Variants in DLG2 observed in about 807,000 individuals in gnomAD.
The protein encoded by DLG2 is discs large MAGUK scaffold protein 2.
DLG2 carries 45 observed loss-of-function variants against 132.5 expected under a neutral mutation model. That is an observed-to-expected ratio of 0.34 (90% CI 0.27 to 0.44). The LOEUF is 0.44. Among genes scored for constraint, DLG2 ranks in the 20% least tolerant of loss-of-function variants. DLG2 has a pLI of 1.00. For synonymous variants in DLG2, 424 were observed against 419.6 expected (o/e 1.01, Z -0.13); for missense variants, 1,045 against 1,196.9 (o/e 0.87, Z 1.87).
intron 7 of DLG2, among the ~76,000 whole-genome samples, chr11:84,345,775 C>A (rs2098536908): frequency 6.6e-6 from 1 of 152,114 alleles, no homozygotes; most frequent in Non-Finnish European, 1.5e-5. Context: ...CTTCTCACTT[C>A]CTGTTTTTGC....
At chr11:84,850,725 A>C (rs2154021753) in intron 6 of DLG2, among the ~76,000 whole-genome samples, 1 of 152,276 alleles carries the variant, frequency 6.6e-6, no homozygotes. Context: ...ACATACAAAA[A>C]TCAGTTATAT....
intron 16 of DLG2, among the ~76,000 whole-genome samples, chr11:83,859,832 C>G (rs556245289): frequency 1.3e-5 from 2 of 152,076 alleles, no homozygotes; most frequent in African/African-American, 4.8e-5. Flanking sequence ...ATGGTTTTGT[C>G]GGCCAGGCCC....
Position 84,484,143 on chromosome 11 carries a change from C to T in DLG2, c.519+50427G>A, listed in dbSNP as rs117614624. Among the ~76,000 whole-genome samples, 3 of 152,222 alleles carry T rather than the reference C, an allele frequency of 2.0e-5. No homozygotes were observed. The East Asian group carries it at 5.8e-4, about 29-fold the overall frequency. On this transcript the variant is annotated intron_variant, in intron 7 of 27. Transcript: ENST00000376104. ...GGTACAAGAGATGGTTGCACCTCAC[C>T]TCCTTAAACTTAGGTATAGCAATTT...
chr11:85,207,903 A>C (rs1413103717), intron 4 of DLG2, among the ~76,000 whole-genome samples: 1 of 151,626 alleles, frequency 6.6e-6, no homozygotes, highest in East Asian at 2.0e-4. Context: ...ACATCTGGTA[A>C]ACTGCTTTTT....
Position 83,601,803 on chromosome 11 carries a change from G to A in DLG2, c.1940+31408C>T, listed in dbSNP as rs184959226. Among the ~76,000 whole-genome samples, 15 of 152,114 alleles carry A rather than the reference G, an allele frequency of 9.9e-5. No individual in the cohort carries two copies. In the South Asian group the frequency reaches 2.1e-3, roughly 21 times the overall value. On this transcript the variant is annotated intron_variant, in intron 19 of 27. Coordinates refer to ENST00000376104, the MANE Select transcript of DLG2 (RefSeq NM_001142699.3). Reference sequence around the variant, plus strand: ...CTCCCAAAGTGCTGGGGTTACAGGCGTGAGGCACAGGGCTCAGCCGTCAAT... The same window carrying A: ...CTCCCAAAGTGCTGGGGTTACAGGCATGAGGCACAGGGCTCAGCCGTCAAT...
intron 6 of DLG2, among the ~76,000 whole-genome samples, chr11:84,578,351 C>T (rs2099508336): frequency 6.6e-6 from 1 of 152,086 alleles, no homozygotes; most frequent in African/African-American, 2.4e-5. Flanking sequence ...GAAAAAGCCT[C>T]AGACACTCAA....
intron 19 of DLG2, among the ~76,000 whole-genome samples, chr11:83,578,696 A>G (rs2096921722): frequency 6.6e-6 from 1 of 152,238 alleles, no homozygotes; most frequent in Non-Finnish European, 1.5e-5. Context: ...TCCAGAGGAT[A>G]TAAAAAGCCT....
At chr11:84,540,742 G>A (rs145415549) in intron 6 of DLG2, among the ~76,000 whole-genome samples, 2,015 of 152,198 alleles carry the variant, frequency 0.013, 53 homozygotes, top group African/African-American at 0.047. Flanking sequence ...ACATGCACAC[G>A]TATGTTTATT....
intron 6 of DLG2, among the ~76,000 whole-genome samples, chr11:84,862,430 G>C (rs1600127769): frequency 6.6e-6 from 1 of 152,028 alleles, no homozygotes; most frequent in Admixed American, 6.6e-5. Context: ...CAAGGATCTA[G>C]AACCAGAAAT....
chr11:84,668,989 G>A (rs1324794484), intron 6 of DLG2, among the ~76,000 whole-genome samples: 1 of 152,002 alleles, frequency 6.6e-6, no homozygotes, highest in African/African-American at 2.4e-5. Flanking sequence ...GTTCTAACAG[G>A]TGTATCTTCA....
At chr11:85,294,627 A>G (rs2079108917) in intron 3 of DLG2, among the ~76,000 whole-genome samples, 1 of 152,180 alleles carries the variant, frequency 6.6e-6, no homozygotes, top group Non-Finnish European at 1.5e-5. Flanking sequence ...ACAGTTATAT[A>G]AAACATAGTA....
chr11:85,389,450 G>A (rs932349874), intron 3 of DLG2, among the ~76,000 whole-genome samples: 1 of 152,142 alleles, frequency 6.6e-6, no homozygotes, highest in African/African-American at 2.4e-5. Context: ...GAATACCTGA[G>A]GAAAACTTCC....
At chr11:83,831,838 C>G (rs764935210) in intron 17 of DLG2, among the ~76,000 whole-genome samples, 3 of 151,648 alleles carry the variant, frequency 2.0e-5, no homozygotes, top group African/African-American at 7.3e-5. Flanking sequence ...CCCTATCATA[C>G]TAAGGAGGAA....
chr11:84,132,841 G>A (rs1026557471), intron 9 of DLG2, among the ~76,000 whole-genome samples: 1 of 152,014 alleles, frequency 6.6e-6, no homozygotes, highest in Non-Finnish European at 1.5e-5. Flanking sequence ...TAAAAATGAA[G>A]TGGATGAAAC....
At chr11:85,417,031 G>C (rs561171733) in intron 3 of DLG2, among the ~76,000 whole-genome samples, 119 of 152,260 alleles carry the variant, frequency 7.8e-4, no homozygotes, top group Middle Eastern at 3.4e-3. Context: ...AGTTTTCAGA[G>C]AGAATGCTTC....
intron 22 of DLG2, chr11:83,483,107 T>G: frequency 1.5e-6 from 1 of 665,060 alleles, no homozygotes; most frequent in Non-Finnish European, 2.6e-6. Flanking sequence ...AGTTACTTTG[T>G]AGGAGCATTC....
chr11:84,855,964 C>A (rs1485063426), intron 6 of DLG2, among the ~76,000 whole-genome samples: 11 of 152,016 alleles, frequency 7.2e-5, no homozygotes, highest in Non-Finnish European at 1.6e-4. Context: ...AGGTCACCCC[C>A]TTCCCAGATC....
chr11:83,724,956 A>C, intron 18 of DLG2: 2 of 702,102 alleles, frequency 2.8e-6, no homozygotes, highest in South Asian at 3.0e-5. Context: ...CTTGGTGTAT[A>C]AACTCCGCCT....
chr11:84,458,473 T>A (rs1426065978), intron 7 of DLG2, among the ~76,000 whole-genome samples: 1 of 150,838 alleles, frequency 6.6e-6, no homozygotes, highest in East Asian at 1.9e-4. Flanking sequence ...TAGCTTAAAA[T>A]CAGTACCCAT....
Sources: gnomAD v4.1 joint callset for allele counts (sites outside exome capture counted in the v4.1 genomes callset) on GRCh38, gnomAD v4.1.1 for gene constraint, MANE v1.5 for transcripts, NCBI Gene and HGNC (gene_info 2026-07-23, HGNC 2026-07-21) for gene names.